MPP1: variants seen among roughly 807,000 people sequenced by gnomAD.
MPP1 encodes MAGUK p55 scaffold protein 1, also known as 55 kDa erythrocyte membrane protein.
A neutral mutation model predicts 38.2 loss-of-function variants in MPP1; 6 were observed. The observed-to-expected ratio is 0.16, with a 90% CI of 0.09 to 0.31. The LOEUF is 0.31. Ranked by LOEUF, MPP1 falls within the 10% of genes least tolerant of loss-of-function variation. The pLI, the probability that MPP1 is intolerant of heterozygous loss-of-function variation, is 1.00. For missense variants in MPP1, 293 were observed against 368.9 expected, an observed-to-expected ratio of 0.79 and a Z score of 1.69; for synonymous variants, 153 against 146.3, an observed-to-expected ratio of 1.05 and a Z score of -0.33.
chrX:154,781,208 G>T (rs368576306), intron 11 of MPP1, 31 bp downstream of exon 11: 125 of 1,160,862 alleles, frequency 1.1e-4, no homozygotes, highest in Non-Finnish European at 1.4e-4. Flanking sequence ...CGGAGAAAGT[G>T]AACTACCCAT....
chrX:154,789,049 CGGCGGTCTTA>C (rs1486160419), intron 5 of MPP1, among the ~76,000 whole-genome samples: 2 of 111,485 alleles, frequency 1.8e-5, no homozygotes, highest in African/African-American at 6.5e-5. Context: ...GGTGAGGGGG[CGGCGGTCTTA>C]GGCATGGGTG....
Position 154,781,580 on chromosome X carries a change from G to A in MPP1, c.1149+20C>T, listed in dbSNP as rs782745920. The A allele has an allele frequency of 1.7e-6, 2 of 1,200,447 alleles. No homozygotes were observed. Among genetic ancestry groups the A allele is most frequent in the African/African-American group, 1.8e-5 (1 of 56,762 alleles). ...TGTGTGGCTGAGCCCATCTGTCCCT[G>A]CCCTTCCATGCCTACCCACCTGGGG... On this transcript the variant is annotated intron_variant, in intron 10 of 11. Coordinates refer to ENST00000369534, the MANE Select transcript of MPP1 (RefSeq NM_002436.4).
Position 154,791,613 on chromosome X carries a change from C to G in MPP1, c.325+156G>C, listed in dbSNP as rs1285956281. The stretch of plus-strand genomic sequence containing the variant: ...ATAGAGATCTTATCATGTACTGATT[C>G]TACAGAGCCAGTTATTAAGCCACAA... On this transcript the variant is annotated intron_variant, in intron 3 of 11. Transcript: ENST00000369534. 6.6e-6 allele frequency: 3 copies of G among 457,568 alleles called. No individual in the cohort carries two copies. In the African/African-American group the frequency reaches 7.3e-5, roughly 11 times the overall value. 37.7% of individuals were successfully genotyped at this position (457,568 alleles called of 1,213,427 possible).
intron 5 of MPP1, among the ~76,000 whole-genome samples, chrX:154,789,119 T>G (rs1021967320): frequency 4.5e-5 from 5 of 111,991 alleles, no homozygotes; most frequent in Non-Finnish European, 9.4e-5. Flanking sequence ...ATTTGTGCCC[T>G]TTGTTGAATA....
At position 154,781,344 on chromosome X, in the gene MPP1, G is replaced by T. The variant is rs112609368; in HGVS notation, c.1150-31C>A. 203 of 956,111 alleles carry T rather than the reference G, an allele frequency of 2.1e-4. 4 individuals are homozygous for T. The South Asian group carries it at 3.2e-3, about 15-fold the overall frequency. The allele number at this position is 956,111 out of a possible 1,213,427, so 78.8% of individuals were successfully genotyped here. ...AAAAAAAAAGAAGGGCGGCGGGGAG[G>T]GGGGGGAAGGAAGAAAAGGAAAGTG... On this transcript the variant is annotated intron_variant, in intron 10 of 11. Transcript: ENST00000369534.
intron 1 of MPP1, among the ~76,000 whole-genome samples, chrX:154,802,087 G>A (rs1557268776): frequency 1.8e-5 from 2 of 111,965 alleles, no homozygotes; most frequent in African/African-American, 3.2e-5. Context: ...CATCGCAGAA[G>A]GTGCCGCACT....
intron 6 of MPP1, 148 bp downstream of exon 6, chrX:154,786,056 G>A (rs2072068673): frequency 5.3e-6 from 3 of 566,199 alleles, no homozygotes; most frequent in Non-Finnish European, 8.2e-6. Context: ...ATCAACGCAT[G>A]GTTAACCCTC....
intron 1 of MPP1, among the ~76,000 whole-genome samples, 159 bp downstream of exon 1, chrX:154,805,112 GC>G (rs2072306146): frequency 8.8e-6 from 1 of 113,034 alleles, no homozygotes; most frequent in Non-Finnish European, 1.9e-5. Flanking sequence ...CCGGCCGCGC[GC>G]TGGCCTTGTC....
At chrX:154,796,927 A>G (rs1293253260) in intron 1 of MPP1, among the ~76,000 whole-genome samples, 2 of 111,756 alleles carry the variant, frequency 1.8e-5, no homozygotes, top group Non-Finnish European at 3.8e-5. Context: ...ATGTGCCTGT[A>G]GTCCTAGCTA....
At chrX:154,804,839 G>C (rs970940589) in intron 1 of MPP1, 13 of 344,281 alleles carry the variant, frequency 3.8e-5, no homozygotes, top group Non-Finnish European at 7.5e-5. Context: ...TAAATGAAGA[G>C]GAACAGTGAG....
chrX:154,784,944 G>C (rs782807306), intron 7 of MPP1, 107 bp downstream of exon 7: 1 of 654,162 alleles, frequency 1.5e-6, no homozygotes, highest in Non-Finnish European at 2.5e-6. Flanking sequence ...TGTAGAATGC[G>C]CCTTCTGCTG....
rs781855702 is a variant in MPP1, at chrX:154,781,095, C to G, written c.1224+144G>C. 8.0e-5 allele frequency: 42 copies of G among 526,152 alleles called. No individual in the cohort carries two copies. In the South Asian group the frequency reaches 1.2e-3, roughly 15 times the overall value. The allele number at this position is 526,152 out of a possible 1,213,427, so 43.4% of individuals were successfully genotyped here. A position where few individuals can be genotyped will look rare whatever the true frequency, so the allele number is the denominator to read the frequency against. On this transcript the variant is annotated intron_variant, in intron 11 of 11. Coordinates refer to ENST00000369534, the MANE Select transcript of MPP1 (RefSeq NM_002436.4). ...TAAGAGCTGGAACGAATGTGCATAC[C>G]CTTTGGCTTCTTGGCCCTGGAGGAA...
At chrX:154,785,284 G>T in intron 6 of MPP1, 127 bp from the exon 7 acceptor site, 1 of 497,000 alleles carries the variant, frequency 2.0e-6, no homozygotes, top group Non-Finnish European at 3.2e-6. Flanking sequence ...GATAATGTGT[G>T]CAAAGCACCC....
intron 1 of MPP1, among the ~76,000 whole-genome samples, chrX:154,796,216 C>T (rs1355893614): frequency 2.7e-5 from 3 of 109,880 alleles, no homozygotes; most frequent in Admixed American, 9.7e-5. Flanking sequence ...CTGCAACCTC[C>T]GCCTCCTGGG....
rs1557269046 is a variant in MPP1 at position 154,805,278 on chromosome X, C to G, written c.96G>C (p.Arg32=). 2 of 1,202,412 alleles carry G rather than the reference C, an allele frequency of 1.7e-6. No homozygotes were observed. The highest frequency in any genetic ancestry group is 2.2e-6 in the Non-Finnish European group (2 of 890,383). The change falls in exon 1 of 12, where the codon CGG becomes CGC. Residue 32 remains arginine (R), a synonymous_variant. Transcript: ENST00000369534. The part of the protein sequence containing the change: ...YLEHLLQKRS[R]PEAVSHPLNT... ...ACTAGCGGGGCCCGCTCACCTCTGGCCGACTACGCTTCTGCAGCAAATGCT... is the reference window on the plus strand; with the variant it reads ...ACTAGCGGGGCCCGCTCACCTCTGGGCGACTACGCTTCTGCAGCAAATGCT...
intron 11 of MPP1, 97 bp from the exon 12 acceptor site, chrX:154,779,450 G>T: frequency 1.3e-6 from 1 of 796,115 alleles, no homozygotes; most frequent in Non-Finnish European, 1.8e-6. Flanking sequence ...GCGTTGCTCA[G>T]CTGTGCATCA....
chrX:154,791,588 A>G (rs939477470), intron 3 of MPP1, 181 bp downstream of exon 3: 8 of 410,125 alleles, frequency 2.0e-5, no homozygotes, highest in Admixed American at 4.2e-5. Context: ...GGCAATTCAC[A>G]TAGAGATCTT....
At position 154,805,279 on chromosome X, in the gene MPP1, C is replaced by T; in HGVS notation, c.95G>A (p.Arg32Gln). ...CTAGCGGGGCCCGCTCACCTCTGGC[C>T]GACTACGCTTCTGCAGCAAATGCTC... ...YLEHLLQKRS[R>Q]PEAVSHPLNT... Residue 32 changes from arginine to glutamine, a missense_variant, in exon 1 of 12, where the codon CGG becomes CAG. Physicochemically the swap from Arg to Gln is conservative, Grantham distance 43. Coordinates refer to ENST00000369534, the MANE Select transcript of MPP1 (RefSeq NM_002436.4). 1 of 1,203,236 alleles carries T rather than the reference C, an allele frequency of 8.3e-7. No individual in the cohort carries two copies. Among genetic ancestry groups the T allele is most frequent in the South Asian group, 1.8e-5 (1 of 55,540 alleles).
intron 1 of MPP1, among the ~76,000 whole-genome samples, chrX:154,795,313 C>T (rs1031942004): frequency 1.8e-5 from 2 of 111,550 alleles, no homozygotes; most frequent in Non-Finnish European, 3.8e-5. Context: ...AAAAAATTGA[C>T]TTATGATACC....
Sources: gnomAD v4.1 joint callset for allele counts (sites outside exome capture counted in the v4.1 genomes callset) on GRCh38, gnomAD v4.1.1 for gene constraint, MANE v1.5 for transcripts, NCBI Gene and HGNC (gene_info 2026-07-23, HGNC 2026-07-21) for gene names.